Variants in KCNMA1 observed in about 807,000 individuals in gnomAD.
The protein encoded by KCNMA1 is Calcium-activated potassium channel subunit alpha-1.
KCNMA1 carries 29 observed loss-of-function variants against 140.0 expected under a neutral mutation model. That is an observed-to-expected ratio of 0.21 (90% CI 0.15 to 0.28). The LOEUF is 0.28. KCNMA1 is among the 10% of genes least tolerant of loss of function. KCNMA1 has a pLI of 1.00. For missense variants in KCNMA1, 880 were observed against 1,602.2 expected (o/e 0.55, Z 7.70); for synonymous variants, 612 against 611.9 (o/e 1.00, Z 0.00).
intron 2 of KCNMA1, among the ~76,000 whole-genome samples, chr10:77,313,554 A>G (rs1162669243): frequency 2.0e-5 from 3 of 152,196 alleles, no homozygotes; most frequent in Non-Finnish European, 4.4e-5. Context: ...AGCGAACAGG[A>G]TGTGTCATGC....
intron 2 of KCNMA1, among the ~76,000 whole-genome samples, chr10:77,362,704 T>C (rs1321499554): frequency 6.6e-6 from 1 of 152,166 alleles, no homozygotes; most frequent in African/African-American, 2.4e-5. Context: ...TTGCTGCCAG[T>C]CTGCCTTCAG....
At chr10:77,379,296 A>G (rs1208295688) in intron 2 of KCNMA1, among the ~76,000 whole-genome samples, 1 of 152,192 alleles carries the variant, frequency 6.6e-6, no homozygotes, top group East Asian at 1.9e-4. Flanking sequence ...TAATGTTATT[A>G]TCTTTTAAAG....
chr10:77,084,730 G>A lies in KCNMA1; in HGVS notation c.1441-11C>T, dbSNP rs79390996. The A allele has an allele frequency of 9.1e-5, 145 of 1,600,918 alleles. No individual in the cohort carries two copies. Among genetic ancestry groups the A allele is most frequent in the Admixed American group, 8.2e-4 (49 of 59,980 alleles). On this transcript the variant is annotated splice_polypyrimidine_tract_variant and intron_variant, in intron 11 of 27. Coordinates refer to ENST00000286628, the MANE Select transcript of KCNMA1 (RefSeq NM_001161352.2). ...ATCTGCTGACTCTATCTAAGACACC[G>A]AAAGGAAAATTCACAGAACACAAAC...
intron 1 of KCNMA1, among the ~76,000 whole-genome samples, chr10:77,453,864 A>T (rs11002175): frequency 0.089 from 13,481 of 152,180 alleles, 734 homozygotes; most frequent in East Asian, 0.22. Flanking sequence ...GAGTTTATAC[A>T]GGGCTGGGAA....
chr10:77,418,155 G>A (rs1397887756), intron 1 of KCNMA1, among the ~76,000 whole-genome samples: 1 of 152,180 alleles, frequency 6.6e-6, no homozygotes, highest in East Asian at 1.9e-4. Context: ...CAACAGCCCA[G>A]GGAAAGGAGA....
chr10:76,987,746 TA>T (rs1838683068), intron 19 of KCNMA1, among the ~76,000 whole-genome samples: 1 of 152,160 alleles, frequency 6.6e-6, no homozygotes, highest in Non-Finnish European at 1.5e-5. Context: ...AGAGAATTGT[TA>T]GATGATGGAT....
intron 2 of KCNMA1, among the ~76,000 whole-genome samples, chr10:77,271,726 T>C (rs2065198233): frequency 6.6e-6 from 1 of 151,984 alleles, no homozygotes; most frequent in Non-Finnish European, 1.5e-5. Flanking sequence ...TACTGGAAGA[T>C]GCAAAAAAAA....
intron 3 of KCNMA1, among the ~76,000 whole-genome samples, chr10:77,217,812 G>T (rs1314446367): frequency 1.3e-5 from 2 of 152,098 alleles, no homozygotes; most frequent in African/African-American, 4.8e-5. Context: ...TTGATTCTCA[G>T]CCTCTCTTTT....
rs117840906 is a variant in KCNMA1 at position 76,967,283 on chromosome 10, C to T, written c.2360+2691G>A. 8.5e-3 allele frequency among the ~76,000 whole-genome samples: 1,299 copies of T among 152,256 alleles called. 14 individuals carry two copies. The highest frequency in any genetic ancestry group is 0.037 in the Middle Eastern group (11 of 294). On this transcript the variant is annotated intron_variant, in intron 20 of 27. Coordinates refer to ENST00000286628, the MANE Select transcript of KCNMA1 (RefSeq NM_001161352.2). ...GTCGAAAAATCCACTTCAAATAAGT[C>T]ATTAGCTTCCTTTATGGATTTTTCA...
chr10:77,204,070 TG>T (rs1454274168), intron 3 of KCNMA1, among the ~76,000 whole-genome samples: 1 of 146,792 alleles, frequency 6.8e-6, no homozygotes, highest in Non-Finnish European at 1.5e-5. Flanking sequence ...CATTCCAGCC[TG>T]GGGGACACAG....
intron 17 of KCNMA1, among the ~76,000 whole-genome samples, chr10:77,014,453 T>A (rs937880761): frequency 5.7e-4 from 84 of 148,318 alleles, no homozygotes; most frequent in Middle Eastern, 3.2e-3. Context: ...AAAAAAAAAA[T>A]CTGTCTTTGC....
chr10:77,459,173 T>C (rs1305918724), intron 1 of KCNMA1, among the ~76,000 whole-genome samples: 2 of 152,162 alleles, frequency 1.3e-5, no homozygotes, highest in African/African-American at 4.8e-5. Context: ...TAGAGTGGCC[T>C]GGGGGCATGG....
intron 22 of KCNMA1, chr10:76,948,905 T>C (rs562223092): frequency 1.7e-6 from 1 of 583,018 alleles, no homozygotes; most frequent in East Asian, 2.9e-5. Context: ...ATATACTTGA[T>C]ACAAGCTAAA....
chr10:77,368,785 G>T (rs1001708173), intron 2 of KCNMA1, among the ~76,000 whole-genome samples: 1 of 152,146 alleles, frequency 6.6e-6, no homozygotes, highest in Non-Finnish European at 1.5e-5. Context: ...CAAGACCATT[G>T]TAGAAAAGAC....
intron 3 of KCNMA1, chr10:77,217,444 A>G: frequency 2.2e-6 from 1 of 452,438 alleles, no homozygotes; most frequent in Non-Finnish European, 4.5e-6. Flanking sequence ...TTCTCCCAAC[A>G]TCAACTGGTA....
At chr10:77,454,974 AG>A (rs1330904935) in intron 1 of KCNMA1, among the ~76,000 whole-genome samples, 1 of 152,072 alleles carries the variant, frequency 6.6e-6, no homozygotes, top group East Asian at 1.9e-4. Flanking sequence ...CCAAGCCACT[AG>A]AACCCTGGAC....
chr10:77,344,837 C>T (rs866793274), intron 2 of KCNMA1, among the ~76,000 whole-genome samples: 7 of 152,172 alleles, frequency 4.6e-5, no homozygotes, highest in Middle Eastern at 3.4e-3. Flanking sequence ...TGGGTAAAGA[C>T]GGAGACCTTT....
At chr10:76,981,720 A>C (rs886437102) in intron 19 of KCNMA1, among the ~76,000 whole-genome samples, 4 of 152,142 alleles carry the variant, frequency 2.6e-5, no homozygotes, top group African/African-American at 9.7e-5. Flanking sequence ...GATTATGACA[A>C]GATCAATTCT....
chr10:77,229,280 A>T (rs1418700805), intron 3 of KCNMA1, among the ~76,000 whole-genome samples: 1 of 151,642 alleles, frequency 6.6e-6, no homozygotes, highest in African/African-American at 2.4e-5. Context: ...AAGAATAAAC[A>T]TATTGCAATT....
Sources: allele counts gnomAD v4.1 joint callset (sites outside exome capture counted in the v4.1 genomes callset), GRCh38; gene constraint gnomAD v4.1.1; transcripts MANE v1.5; gene names NCBI Gene and HGNC (gene_info 2026-07-23, HGNC 2026-07-21).